The following LRRTM4 variants were observed in gnomAD, a reference collection of about 807,000 sequenced individuals.
The protein encoded by LRRTM4 is leucine-rich repeat transmembrane neuronal protein 4.
LRRTM4 carries 25 observed loss-of-function variants against 47.6 expected under a neutral mutation model. That is an observed-to-expected ratio of 0.53 (90% CI 0.38 to 0.73). LRRTM4 has a LOEUF of 0.73. LRRTM4 is among the 30% of genes least tolerant of loss of function. The pLI is 0.00. For synonymous variants in LRRTM4, 311 were observed against 269.5 expected (o/e 1.15, Z -1.51); for missense variants, 638 against 713.4 (o/e 0.89, Z 1.20).
At chr2:77,272,962 A>C (rs1326222747) in intron 3 of LRRTM4, among the ~76,000 whole-genome samples, 1 of 152,288 alleles carries the variant, frequency 6.6e-6, no homozygotes. Flanking sequence ...ATAATTTGAT[A>C]GTTTTAAAGT....
In LRRTM4 at chr2:77,154,796, A is replaced by G. The variant is rs140317387; in HGVS notation, c.1551+363522T>C. Reference sequence around the variant, plus strand: ...GGGTCTCTGTACAGTTAGGGCATGCATGGGCTTTATGAGTCAAAGAGCCTG... The same window carrying G: ...GGGTCTCTGTACAGTTAGGGCATGCGTGGGCTTTATGAGTCAAAGAGCCTG... On this transcript the variant is annotated intron_variant, in intron 3 of 3. Coordinates refer to ENST00000409884, the MANE Select transcript of LRRTM4 (RefSeq NM_001134745.3). 1.1e-3 allele frequency among the ~76,000 whole-genome samples: 173 copies of G among 152,260 alleles called. 1 individual carries two copies. Among genetic ancestry groups the G allele is most frequent in the African/African-American group, 3.9e-3 (164 of 41,564 alleles).
intron 3 of LRRTM4, among the ~76,000 whole-genome samples, chr2:77,018,103 C>A (rs551157507): frequency 6.6e-6 from 1 of 151,600 alleles, no homozygotes; most frequent in Non-Finnish European, 1.5e-5. Context: ...ATTGAAAGTA[C>A]TATTTTTCCT....
intron 3 of LRRTM4, among the ~76,000 whole-genome samples, chr2:77,474,508 T>C (rs1404650289): frequency 6.6e-6 from 1 of 152,010 alleles, no homozygotes; most frequent in African/African-American, 2.4e-5. Flanking sequence ...AAGAGTAAGG[T>C]TGGAATAGAA....
At chr2:76,918,531 G>A (rs1674329242) in intron 3 of LRRTM4, among the ~76,000 whole-genome samples, 2 of 152,130 alleles carry the variant, frequency 1.3e-5, no homozygotes, top group South Asian at 4.1e-4. Flanking sequence ...TATTAATGAG[G>A]AACATGAGAC....
chr2:77,280,967 AC>A (rs1676492607), intron 3 of LRRTM4, among the ~76,000 whole-genome samples: 1 of 151,864 alleles, frequency 6.6e-6, no homozygotes, highest in East Asian at 1.9e-4. Flanking sequence ...TGTCTCTAAT[AC>A]CCCCTGATCT....
At chr2:77,138,782 A>G (rs142772608) in intron 3 of LRRTM4, among the ~76,000 whole-genome samples, 4,347 of 152,222 alleles carry the variant, frequency 0.029, 212 homozygotes, top group African/African-American at 0.099. Context: ...AAAAAATGAT[A>G]AAGGGGATAT....
intron 3 of LRRTM4, among the ~76,000 whole-genome samples, chr2:77,340,095 A>G (rs1671315555): frequency 6.6e-6 from 1 of 151,968 alleles, no homozygotes; most frequent in Non-Finnish European, 1.5e-5. Context: ...CATATTTTCA[A>G]TGCAGTTTTC....
intron 3 of LRRTM4, among the ~76,000 whole-genome samples, chr2:77,380,465 T>C (rs1265865919): frequency 6.6e-6 from 1 of 152,052 alleles, no homozygotes; most frequent in African/African-American, 2.4e-5. Context: ...ACAAGTTTAG[T>C]AAAATGGCAG....
rs1025986014 is a variant in LRRTM4 at position 77,336,308 on chromosome 2, AGAAG to A, written c.1551+182006_1551+182009del. ...AGGAAACAAGGAAGGAAGGGAGGAA[AGAAG>A]GAAGGAAGGAAGAAAGGAAGGAAGG... On this transcript the variant is annotated intron_variant, in intron 3 of 3. Transcript: ENST00000409884. Among the ~76,000 whole-genome samples, 28 of 151,206 alleles carry A rather than the reference AGAAG, an allele frequency of 1.9e-4. No homozygotes were observed. The East Asian group carries it at 3.1e-3, about 17-fold the overall frequency.
intron 3 of LRRTM4, among the ~76,000 whole-genome samples, chr2:76,794,888 C>T (rs1487131342): frequency 6.6e-6 from 1 of 150,430 alleles, no homozygotes. Context: ...TGATTAAGAA[C>T]CACAGTTGTA....
chr2:76,846,677 A>G (rs1001835681), intron 3 of LRRTM4, among the ~76,000 whole-genome samples: 1 of 152,082 alleles, frequency 6.6e-6, no homozygotes, highest in African/African-American at 2.4e-5. Context: ...TCATTTAATT[A>G]AAAACATACC....
chr2:77,417,783 A>T lies in LRRTM4; in HGVS notation c.1551+100535T>A, dbSNP rs290007. 2.7e-5 allele frequency among the ~76,000 whole-genome samples: 4 copies of T among 150,624 alleles called. No individual in the cohort carries two copies. The East Asian group carries it at 7.9e-4, about 30-fold the overall frequency. On this transcript the variant is annotated intron_variant, in intron 3 of 3. Transcript: ENST00000409884. The stretch of plus-strand genomic sequence containing the variant: ...TGTTGTTGGGGGGGAAGGGGGGAGG[A>T]ATAGCATTTTGAGATATACCTAATG...
At chr2:76,829,369 T>C (rs1671271819) in intron 3 of LRRTM4, among the ~76,000 whole-genome samples, 1 of 151,972 alleles carries the variant, frequency 6.6e-6, no homozygotes, top group Non-Finnish European at 1.5e-5. Flanking sequence ...ACTCTTGTTC[T>C]AACCCACAAA....
Position 76,791,555 on chromosome 2 carries a change from C to T in LRRTM4, c.1552-42639G>A, listed in dbSNP as rs552865367. Among the ~76,000 whole-genome samples the T allele has an allele frequency of 3.9e-5, 6 of 152,118 alleles. No homozygotes were observed. The South Asian group carries it at 1.0e-3, about 26-fold the overall frequency. ...ACACCTCTACTTGAGCATAAATATT[C>T]GGAGAGCAATAAATCTCATCCTACT... On this transcript the variant is annotated intron_variant, in intron 3 of 3. Transcript: ENST00000409884.
chr2:77,343,548 C>A (rs1015643814), intron 3 of LRRTM4, among the ~76,000 whole-genome samples: 1 of 151,540 alleles, frequency 6.6e-6, no homozygotes, highest in Non-Finnish European at 1.5e-5. Context: ...ACTTGGGTAA[C>A]CTGTACTAAA....
chr2:77,143,587 CAAAAAT>C (rs1672180061), intron 3 of LRRTM4, among the ~76,000 whole-genome samples: 1 of 151,812 alleles, frequency 6.6e-6, no homozygotes, highest in Non-Finnish European at 1.5e-5. Context: ...TAATGGTAAA[CAAAAAT>C]AGAGAGACAA....
At chr2:77,268,706 A>C (rs1676116717) in intron 3 of LRRTM4, among the ~76,000 whole-genome samples, 1 of 152,178 alleles carries the variant, frequency 6.6e-6, no homozygotes, top group Non-Finnish European at 1.5e-5. Flanking sequence ...AAAACAAAAA[A>C]AAATCTTATA....
intron 3 of LRRTM4, among the ~76,000 whole-genome samples, chr2:77,247,404 CT>C (rs1232497634): frequency 6.6e-6 from 1 of 152,012 alleles, no homozygotes; most frequent in Admixed American, 6.6e-5. Context: ...AACATTTTCT[CT>C]TTTTTTGTTA....
chr2:76,754,106 C>T (rs1672945180), intron 3 of LRRTM4, among the ~76,000 whole-genome samples: 1 of 152,042 alleles, frequency 6.6e-6, no homozygotes, highest in Admixed American at 6.6e-5. Flanking sequence ...CTACTCAGGG[C>T]ATTTAAAAAG....
Sources: gnomAD v4.1 joint callset for allele counts (sites outside exome capture counted in the v4.1 genomes callset) on GRCh38, gnomAD v4.1.1 for gene constraint, MANE v1.5 for transcripts, NCBI Gene and HGNC (gene_info 2026-07-23, HGNC 2026-07-21) for gene names.